Variants in CNTN5 observed in about 807,000 individuals in gnomAD.
CNTN5 encodes contactin 5.
In CNTN5, 77 loss-of-function variants were observed where a neutral mutation model predicts 129.1. The observed-to-expected ratio is 0.60, with a 90% CI of 0.50 to 0.72. The LOEUF is 0.72. Ranked by LOEUF, CNTN5 falls within the 30% of genes least tolerant of loss-of-function variation. The pLI, the probability that CNTN5 is intolerant of heterozygous loss-of-function variation, is 0.00. For missense variants in CNTN5, 1,478 were observed against 1,328.8 expected (o/e 1.11, Z -1.75); for synonymous variants, 509 against 465.6 (o/e 1.09, Z -1.20).
rs1161467398 is a variant in CNTN5, at chr11:99,037,576, C to CTTTTTT, written c.-210+16323_-210+16328dup. Among the ~76,000 whole-genome samples, 51 of 105,652 alleles carry CTTTTTT rather than the reference C, an allele frequency of 4.8e-4. 1 individual carries two copies. The highest frequency in any genetic ancestry group is 8.5e-4 in the African/African-American group (24 of 28,352). 69.3% of individuals were successfully genotyped at this position (105,652 alleles called of 152,430 possible). A position where few individuals can be genotyped will look rare whatever the true frequency, so the allele number is the denominator to read the frequency against. ...CATATTTTTCCTTCTTTTTTCTTTT[C>CTTTTTT]TTTTTTTTTTTTTTTTTTTTTTAAC... On this transcript the variant is annotated intron_variant, in intron 1 of 24. Transcript: ENST00000524871.
At chr11:99,817,115 T>C (rs927233969) in intron 3 of CNTN5, among the ~76,000 whole-genome samples, 3 of 152,224 alleles carry the variant, frequency 2.0e-5, no homozygotes, top group African/African-American at 7.2e-5. Context: ...ACTGCCTTTT[T>C]TCCCCACTAG....
chr11:99,463,322 C>A (rs1944799539), intron 2 of CNTN5, among the ~76,000 whole-genome samples: 1 of 149,790 alleles, frequency 6.7e-6, no homozygotes, highest in African/African-American at 2.4e-5. Context: ...CCTGTAGTCC[C>A]AGCTACTCGG....
chr11:99,165,020 AT>A (rs916776813), intron 1 of CNTN5, among the ~76,000 whole-genome samples: 1 of 151,504 alleles, frequency 6.6e-6, no homozygotes, highest in African/African-American at 2.4e-5. Context: ...AATTTCTTCA[AT>A]TTTTTTTTAG....
chr11:99,826,944 A>G (rs1358335010), intron 4 of CNTN5, among the ~76,000 whole-genome samples: 1 of 152,198 alleles, frequency 6.6e-6, no homozygotes, highest in Non-Finnish European at 1.5e-5. Flanking sequence ...AAAAACTGAT[A>G]ATTATTTCAA....
chr11:99,956,781 T>A, intron 7 of CNTN5, 25 bp from the exon 8 acceptor site: 1 of 1,599,834 alleles, frequency 6.3e-7, no homozygotes, highest in African/African-American at 1.3e-5. Context: ...AAGTCTTTCG[T>A]TGACCAAATT....
chr11:100,015,653 T>A (rs745765161), intron 9 of CNTN5, among the ~76,000 whole-genome samples: 7 of 152,096 alleles, frequency 4.6e-5, no homozygotes, highest in South Asian at 4.1e-4. Flanking sequence ...AAAAACTAAT[T>A]TTATTGTTGT....
chr11:99,124,185 G>A (rs367772047), intron 1 of CNTN5, among the ~76,000 whole-genome samples: 3 of 151,940 alleles, frequency 2.0e-5, no homozygotes, highest in African/African-American at 7.2e-5. Flanking sequence ...TCCACTATTT[G>A]TGTCATCTTT....
chr11:100,000,682 A>T (rs1939804918), intron 8 of CNTN5, among the ~76,000 whole-genome samples: 1 of 152,184 alleles, frequency 6.6e-6, no homozygotes, highest in Non-Finnish European at 1.5e-5. Context: ...TCCCCTCTGC[A>T]TTGCCCTAGT....
intron 13 of CNTN5, among the ~76,000 whole-genome samples, chr11:100,141,369 C>T (rs1337991649): frequency 6.6e-6 from 1 of 150,380 alleles, no homozygotes; most frequent in Non-Finnish European, 1.5e-5. Context: ...GGTGGGGTGC[C>T]CTTTGAGGAA....
chr11:99,946,854 A>G (rs1214748785), intron 7 of CNTN5, among the ~76,000 whole-genome samples: 10 of 151,986 alleles, frequency 6.6e-5, no homozygotes, highest in Admixed American at 6.6e-4. Flanking sequence ...ATCAAAATAC[A>G]TTTGCAAAAA....
At chr11:99,834,148 G>T (rs56342780) in intron 4 of CNTN5, among the ~76,000 whole-genome samples, 3,182 of 152,152 alleles carry the variant, frequency 0.021, 113 homozygotes, top group African/African-American at 0.07. Flanking sequence ...ACTTAGTTTT[G>T]TTCAGAACTT....
chr11:99,579,295 ATTGAC>A (rs1405930292), intron 3 of CNTN5, among the ~76,000 whole-genome samples: 3 of 150,556 alleles, frequency 2.0e-5, no homozygotes, highest in Admixed American at 2.0e-4. Flanking sequence ...TTGGCTTAGG[ATTGAC>A]TTGGCGATGT....
chr11:99,785,641 TCCACCA>T (rs1378596370), intron 3 of CNTN5, among the ~76,000 whole-genome samples: 1 of 152,092 alleles, frequency 6.6e-6, no homozygotes, highest in Non-Finnish European at 1.5e-5. Flanking sequence ...GAAAAGCTTA[TCCACCA>T]CCACCTTATC....
intron 3 of CNTN5, among the ~76,000 whole-genome samples, chr11:99,650,169 A>G (rs940742835): frequency 6.6e-6 from 1 of 151,950 alleles, no homozygotes; most frequent in South Asian, 2.1e-4. Flanking sequence ...GAATCTTAAT[A>G]TTACAGAGTC....
intron 13 of CNTN5, among the ~76,000 whole-genome samples, chr11:100,167,653 G>C (rs1165593964): frequency 6.6e-6 from 1 of 151,876 alleles, no homozygotes; most frequent in Non-Finnish European, 1.5e-5. Flanking sequence ...TGTAACAAAA[G>C]AAACAGACCT....
At chr11:99,953,462 A>C (rs1950723455) in intron 7 of CNTN5, among the ~76,000 whole-genome samples, 1 of 152,202 alleles carries the variant, frequency 6.6e-6, no homozygotes, top group South Asian at 2.1e-4. Context: ...CGAAAATTCC[A>C]ATATGTAGCT....
chr11:100,214,753 C>T (rs114709629), intron 15 of CNTN5, among the ~76,000 whole-genome samples: 1,816 of 152,280 alleles, frequency 0.012, 34 homozygotes, highest in African/African-American at 0.042. Context: ...AGCAGTACCC[C>T]ACTTGTAGGT....
chr11:99,681,359 A>G (rs1426207449), intron 3 of CNTN5, among the ~76,000 whole-genome samples: 2 of 152,120 alleles, frequency 1.3e-5, no homozygotes, highest in East Asian at 1.9e-4. Context: ...AAAGGAAGAG[A>G]CAAACATGTC....
intron 8 of CNTN5, among the ~76,000 whole-genome samples, chr11:99,997,773 C>T (rs996552263): frequency 6.6e-5 from 10 of 152,078 alleles, no homozygotes; most frequent in East Asian, 3.9e-4. Flanking sequence ...ACTGGCAAAC[C>T]GAATCCAGCA....
Sources: gnomAD v4.1 joint callset for allele counts (sites outside exome capture counted in the v4.1 genomes callset) on GRCh38, gnomAD v4.1.1 for gene constraint, MANE v1.5 for transcripts, NCBI Gene and HGNC (gene_info 2026-07-23, HGNC 2026-07-21) for gene names.